ANO10: variants seen among roughly 807,000 people sequenced by gnomAD.
The protein encoded by ANO10 is anoctamin 10.
ANO10 carries 77 observed loss-of-function variants against 74.7 expected under a neutral mutation model. That is an observed-to-expected ratio of 1.03 (90% CI 0.86 to 1.25). The LOEUF is 1.25. Ranked by LOEUF, ANO10 falls within the 50% of genes most tolerant of loss-of-function variation. The probability of loss-of-function intolerance (pLI) is 0.00; values close to 1 mark genes in which losing one functional copy is unlikely to be tolerated. For missense variants in ANO10, 721 were observed against 778.1 expected, an observed-to-expected ratio of 0.93 and a Z score of 0.87; for synonymous variants, 279 against 284.9, an observed-to-expected ratio of 0.98 and a Z score of 0.21.
intron 1 of ANO10, among the ~76,000 whole-genome samples, chr3:43,660,140 G>A (rs1397726759): frequency 2.0e-5 from 3 of 152,188 alleles, no homozygotes; most frequent in Non-Finnish European, 4.4e-5. Flanking sequence ...AAGATGGGGA[G>A]AAACCAGAGC....
At chr3:43,574,008 G>A (rs2080872987) in intron 7 of ANO10, among the ~76,000 whole-genome samples, 1 of 152,142 alleles carries the variant, frequency 6.6e-6, no homozygotes, top group South Asian at 2.1e-4. Flanking sequence ...AGGCTGGAGT[G>A]CAGTGGTGCA....
intron 11 of ANO10, among the ~76,000 whole-genome samples, chr3:43,532,570 T>C (rs2078520054): frequency 6.6e-6 from 1 of 152,208 alleles, no homozygotes; most frequent in African/African-American, 2.4e-5. Flanking sequence ...TAAATTGTTT[T>C]TTATATCATA....
At chr3:43,485,143 T>C in intron 11 of ANO10, 1 of 800,324 alleles carries the variant, frequency 1.2e-6, no homozygotes, top group South Asian at 1.4e-5. Context: ...GTGATCTGGA[T>C]GGAGTGGGCC....
At chr3:43,410,174 A>G (rs1297964226) in intron 12 of ANO10, among the ~76,000 whole-genome samples, 1 of 152,024 alleles carries the variant, frequency 6.6e-6, no homozygotes, top group Non-Finnish European at 1.5e-5. Flanking sequence ...ACAAGAGAAC[A>G]AGGATTTTGT....
At chr3:43,498,986 C>T (rs2077007990) in intron 11 of ANO10, among the ~76,000 whole-genome samples, 1 of 152,102 alleles carries the variant, frequency 6.6e-6, no homozygotes. Flanking sequence ...TCCCCAGACC[C>T]GACTACCTGA....
chr3:43,560,885 C>T (rs1273998904), intron 9 of ANO10, among the ~76,000 whole-genome samples: 2 of 152,180 alleles, frequency 1.3e-5, no homozygotes, highest in Admixed American at 6.5e-5. Flanking sequence ...GTGTCAAGAG[C>T]GAGCAATGCT....
At position 43,394,379 on chromosome 3, in the gene ANO10, G is replaced by C. The variant is rs911234015; in HGVS notation, c.1915-27405C>G. The stretch of plus-strand genomic sequence containing the variant: ...CCTTCCTGTCATAAATATACCACCA[G>C]TAGCTCTGCATTTTTCTTTTTCCCT... On this transcript the variant is annotated intron_variant, in intron 12 of 12. Coordinates refer to ENST00000292246, the MANE Select transcript of ANO10 (RefSeq NM_018075.5). 6.6e-5 allele frequency among the ~76,000 whole-genome samples: 10 copies of C among 152,192 alleles called. No homozygotes were observed. The South Asian group carries it at 2.1e-3, about 32-fold the overall frequency.
chr3:43,619,273 CAGGTTAAAAG>C (rs1213339931), intron 1 of ANO10, among the ~76,000 whole-genome samples: 3 of 152,096 alleles, frequency 2.0e-5, no homozygotes, highest in Admixed American at 2.0e-4. Context: ...GGAGGATGCT[CAGGTTAAAAG>C]AGGCTAAGGA....
In ANO10 at chr3:43,555,346, C is replaced by T. The variant is rs1307621832; in HGVS notation, c.1600G>A (p.Ala534Thr). ...TTGAAGACCCTGCACATTTTTAAGGCATCTGAATTTACTTCAGTGAAGTTA... is the reference window on the plus strand; with the variant it reads ...TTGAAGACCCTGCACATTTTTAAGGTATCTGAATTTACTTCAGTGAAGTTA... ...LNNFTEVNSD[A>T]LKMCRVFKRP... The change falls in exon 10 of 13, where the codon GCC becomes ACC. Residue 534 changes from alanine to threonine, a missense_variant. Coordinates refer to ENST00000292246, the MANE Select transcript of ANO10 (RefSeq NM_018075.5). The T allele has an allele frequency of 6.2e-7, 1 of 1,613,982 alleles. No individual in the cohort carries two copies. The highest frequency in any genetic ancestry group is 8.5e-7 in the Non-Finnish European group (1 of 1,180,030).
intron 1 of ANO10, among the ~76,000 whole-genome samples, chr3:43,631,750 G>A (rs904720916): frequency 6.8e-6 from 1 of 147,534 alleles, no homozygotes; most frequent in Non-Finnish European, 1.5e-5. Context: ...AAAAGAAAGT[G>A]CTTATAAAAA....
At chr3:43,439,182 A>C (rs2093121506) in intron 11 of ANO10, among the ~76,000 whole-genome samples, 1 of 152,022 alleles carries the variant, frequency 6.6e-6, no homozygotes, top group Admixed American at 6.6e-5. Flanking sequence ...CCAGATTATC[A>C]GCAGATTTCT....
At chr3:43,521,840 A>C (rs2101064) in intron 11 of ANO10, among the ~76,000 whole-genome samples, 75,128 of 152,034 alleles carry the variant, frequency 0.49, 20,659 homozygotes, top group East Asian at 0.83. Context: ...TTTGTATGCC[A>C]ATATTCACTG....
At chr3:43,612,900 G>A (rs1323268048) in intron 1 of ANO10, among the ~76,000 whole-genome samples, 1 of 152,208 alleles carries the variant, frequency 6.6e-6, no homozygotes, top group Non-Finnish European at 1.5e-5. Context: ...GGGCACGGTG[G>A]CTCACGCCTA....
intron 12 of ANO10, among the ~76,000 whole-genome samples, chr3:43,407,120 T>A (rs1237401830): frequency 6.6e-6 from 1 of 152,126 alleles, no homozygotes; most frequent in Non-Finnish European, 1.5e-5. Flanking sequence ...GCCAGGCTGG[T>A]CTGGAACTCT....
rs185491758 is a variant in ANO10 at position 43,431,599 on chromosome 3, A to T, written c.1914+1012T>A. 8.5e-5 allele frequency among the ~76,000 whole-genome samples: 13 copies of T among 152,104 alleles called. No homozygotes were observed. The East Asian group carries it at 2.5e-3, about 30-fold the overall frequency. On this transcript the variant is annotated intron_variant, in intron 12 of 12. Transcript: ENST00000292246. ...CTGGCTAGCCCACATGCCAAAAGTG[A>T]ACTTGCCCAACCTCTAGGAATGCAG...
chr3:43,532,700 T>C (rs1390899473), intron 11 of ANO10, among the ~76,000 whole-genome samples: 1 of 152,206 alleles, frequency 6.6e-6, no homozygotes, highest in African/African-American at 2.4e-5. Flanking sequence ...TCAAGCTATA[T>C]CTTTATAGTT....
intron 11 of ANO10, among the ~76,000 whole-genome samples, chr3:43,530,449 T>G (rs1280433658): frequency 6.7e-6 from 1 of 149,208 alleles, no homozygotes. Flanking sequence ...ATATTTTATA[T>G]ATGGTATATA....
intron 12 of ANO10, chr3:43,424,500 C>G (rs2092868486): frequency 6.6e-6 from 1 of 152,156 alleles, no homozygotes; most frequent in African/African-American, 2.4e-5. Context: ...AATCTAAGAT[C>G]GGTCTTTTAA....
At chr3:43,638,743 G>A (rs2083639006) in intron 1 of ANO10, 1 of 152,212 alleles carries the variant, frequency 6.6e-6, no homozygotes, top group African/African-American at 2.4e-5. Context: ...TCAAGTGAAG[G>A]GGTGAGAAAG....
Sources: gnomAD v4.1 joint callset for allele counts (sites outside exome capture counted in the v4.1 genomes callset) on GRCh38, gnomAD v4.1.1 for gene constraint, MANE v1.5 for transcripts, NCBI Gene and HGNC (gene_info 2026-07-23, HGNC 2026-07-21) for gene names.